Variants in SCHIP1 observed in about 807,000 individuals in gnomAD.
The protein encoded by SCHIP1 is schwannomin-interacting protein 1.
Under a neutral mutation model 29.7 loss-of-function variants are expected in SCHIP1, and 8 were observed. The observed-to-expected ratio is 0.27, with a 90% CI of 0.16 to 0.49. The LOEUF (loss-of-function observed/expected upper bound fraction) is 0.49, where lower values mean the gene tolerates loss of function less well. SCHIP1 is among the 20% of genes least tolerant of loss of function. SCHIP1 has a pLI of 0.99. For synonymous variants in SCHIP1, 76 were observed against 94.9 expected, an observed-to-expected ratio of 0.80 and a Z score of 1.16; for missense variants, 193 against 294.6, an observed-to-expected ratio of 0.66 and a Z score of 2.52.
the SCHIP1 span, among the ~76,000 whole-genome samples, chr3:159,432,386 C>T: frequency 3.5e-5 from 5 of 144,202 alleles, no homozygotes; most frequent in Non-Finnish European, 3.0e-5. Flanking sequence ...GATCTCAAAT[C>T]CTTTAATGAC....
chr3:159,519,730 AATAAT>A, the SCHIP1 span, among the ~76,000 whole-genome samples: 2 of 152,086 alleles, frequency 1.3e-5, no homozygotes, highest in East Asian at 1.9e-4. Context: ...AAAATGTGTT[AATAAT>A]ATGAGTCTTA....
the SCHIP1 span, among the ~76,000 whole-genome samples, chr3:159,817,771 T>C: frequency 6.6e-6 from 1 of 152,202 alleles, no homozygotes; most frequent in Admixed American, 6.5e-5. Flanking sequence ...TGTGCTTTTG[T>C]CGCTGTATTC....
At chr3:159,335,808 G>C in the SCHIP1 span, among the ~76,000 whole-genome samples, 1 of 152,130 alleles carries the variant, frequency 6.6e-6, no homozygotes, top group Non-Finnish European at 1.5e-5. Context: ...AAGCATACGT[G>C]TGCATGTGTC....
At chr3:159,289,259 ACTT>A in the SCHIP1 span, among the ~76,000 whole-genome samples, 1 of 152,132 alleles carries the variant, frequency 6.6e-6, no homozygotes, top group African/African-American at 2.4e-5. Flanking sequence ...AATATTACCT[ACTT>A]ATTTCAGTAG....
chr3:159,445,460 T>A, the SCHIP1 span, among the ~76,000 whole-genome samples: 1,102 of 151,646 alleles, frequency 7.3e-3, 13 homozygotes, highest in African/African-American at 0.025. Context: ...ATTGTGGAAG[T>A]CAGTGTGGCG....
At chr3:159,570,353 T>A in the SCHIP1 span, among the ~76,000 whole-genome samples, 1 of 152,214 alleles carries the variant, frequency 6.6e-6, no homozygotes, top group African/African-American at 2.4e-5. Context: ...AGTTTCAGCT[T>A]TCTACATATG....
the SCHIP1 span, among the ~76,000 whole-genome samples, chr3:159,376,514 T>C: frequency 6.6e-6 from 1 of 152,220 alleles, no homozygotes; most frequent in Non-Finnish European, 1.5e-5. Flanking sequence ...GGACCCCTAA[T>C]TTAGCATGTT....
the SCHIP1 span, among the ~76,000 whole-genome samples, chr3:159,337,050 A>T: frequency 6.6e-6 from 1 of 152,192 alleles, no homozygotes; most frequent in Non-Finnish European, 1.5e-5. Flanking sequence ...CAACATACGC[A>T]AATCAATAAA....
chr3:159,333,613 C>G, the SCHIP1 span, among the ~76,000 whole-genome samples: 2 of 152,100 alleles, frequency 1.3e-5, no homozygotes, highest in African/African-American at 4.8e-5. Context: ...ACAGCAGATA[C>G]AAATGACAAG....
the SCHIP1 span, among the ~76,000 whole-genome samples, chr3:159,396,388 A>G: frequency 1.2e-4 from 17 of 147,404 alleles, no homozygotes; most frequent in East Asian, 6.0e-4. Flanking sequence ...TATTTTGCTC[A>G]TTAGTTGATG....
the SCHIP1 span, among the ~76,000 whole-genome samples, chr3:159,770,228 C>T: frequency 6.6e-6 from 1 of 152,170 alleles, no homozygotes; most frequent in Non-Finnish European, 1.5e-5. Context: ...TTGGCTATTA[C>T]AAATAACATT....
chr3:159,779,802 G>A, the SCHIP1 span, among the ~76,000 whole-genome samples: 112,530 of 152,098 alleles, frequency 0.74, 42,406 homozygotes, highest in East Asian at 0.99. Context: ...ATTGTGGATT[G>A]TGATAGCACT....
the SCHIP1 span, among the ~76,000 whole-genome samples, chr3:159,406,874 T>C: frequency 1.4e-3 from 207 of 151,614 alleles, 1 homozygote; most frequent in African/African-American, 4.7e-3. Flanking sequence ...TAATCTCAAA[T>C]CAAAATGCAT....
At chr3:159,438,676 GT>G in the SCHIP1 span, among the ~76,000 whole-genome samples, 2 of 152,004 alleles carry the variant, frequency 1.3e-5, no homozygotes, top group African/African-American at 4.8e-5. Context: ...AGTGTGTGTT[GT>G]TTCCCCCATG....
chr3:159,681,190 A>C, the SCHIP1 span, among the ~76,000 whole-genome samples: 1 of 151,886 alleles, frequency 6.6e-6, no homozygotes, highest in African/African-American at 2.4e-5. Context: ...CTTTTTTGGT[A>C]GGAAGGGATA....
chr3:159,381,980 G>C, the SCHIP1 span, among the ~76,000 whole-genome samples: 1 of 152,104 alleles, frequency 6.6e-6, no homozygotes, highest in African/African-American at 2.4e-5. Flanking sequence ...GGGAAAAAGA[G>C]AGCTGGAGAG....
chr3:159,663,109 T>C, the SCHIP1 span, among the ~76,000 whole-genome samples: 2 of 152,196 alleles, frequency 1.3e-5, no homozygotes, highest in Non-Finnish European at 2.9e-5. Flanking sequence ...CACTCTGATA[T>C]TCTTTGTCAG....
At chr3:159,724,920 T>G in the SCHIP1 span, among the ~76,000 whole-genome samples, 38 of 152,252 alleles carry the variant, frequency 2.5e-4, no homozygotes, top group Non-Finnish European at 4.6e-4. Flanking sequence ...TTTCTCAATG[T>G]TTTTACTGAG....
chr3:159,345,378 G>A, the SCHIP1 span, among the ~76,000 whole-genome samples: 4 of 152,020 alleles, frequency 2.6e-5, no homozygotes, highest in Admixed American at 6.6e-5. Context: ...CGCTAAAAAC[G>A]ATATGACTAT....
Sources: gnomAD v4.1 joint callset for allele counts (sites outside exome capture counted in the v4.1 genomes callset) on GRCh38, gnomAD v4.1.1 for gene constraint, MANE v1.5 for transcripts, NCBI Gene and HGNC (gene_info 2026-07-23, HGNC 2026-07-21) for gene names.